Variants in F11R observed in about 807,000 individuals in gnomAD.
The protein encoded by F11R is F11 receptor, also known as junctional adhesion molecule A.
Under a neutral mutation model 39.3 loss-of-function variants are expected in F11R, and 27 were observed. The ratio of observed to expected loss-of-function variants is 0.69; its 90% CI spans 0.51 to 0.95. The LOEUF is 0.95. F11R is among the 40% of genes least tolerant of loss of function. The probability of loss-of-function intolerance (pLI) is 0.00; values close to 1 mark genes in which losing one functional copy is unlikely to be tolerated. For synonymous variants in F11R, 131 were observed against 144.9 expected, an observed-to-expected ratio of 0.90 and a Z score of 0.69; for missense variants, 335 against 372.7, an observed-to-expected ratio of 0.90 and a Z score of 0.83.
intron 1 of F11R, among the ~76,000 whole-genome samples, chr1:161,019,340 A>T (rs1010946970): frequency 6.6e-6 from 1 of 152,176 alleles, no homozygotes; most frequent in African/African-American, 2.4e-5. Flanking sequence ...TCACACCTGT[A>T]ATCCCAGCAC....
At position 161,016,401 on chromosome 1, in the gene F11R, G is replaced by A. The variant is rs561804133; in HGVS notation, c.64+4609C>T. On this transcript the variant is annotated intron_variant, in intron 1 of 9. Coordinates refer to ENST00000368026, the MANE Select transcript of F11R (RefSeq NM_016946.6). The stretch of plus-strand genomic sequence containing the variant: ...TGAGGCAGGAGAATGGCATGAACCC[G>A]GGAGGTGGAGTTTGCAGTGAGCCGA... 9.2e-4 allele frequency among the ~76,000 whole-genome samples: 140 copies of A among 152,156 alleles called. 1 individual carries two copies. The highest frequency in any genetic ancestry group is 4.0e-3 in the Admixed American group (61 of 15,248).
At chr1:161,014,158 A>C (rs1649323291) in intron 1 of F11R, among the ~76,000 whole-genome samples, 2 of 152,262 alleles carry the variant, frequency 1.3e-5, no homozygotes, top group Admixed American at 1.3e-4. Flanking sequence ...AAGGTCATCC[A>C]GGTCTTTCCT....
At chr1:161,004,934 G>A (rs1648715608) in intron 1 of F11R, among the ~76,000 whole-genome samples, 1 of 151,870 alleles carries the variant, frequency 6.6e-6, no homozygotes, top group Non-Finnish European at 1.5e-5. Context: ...GCCGAGGTGG[G>A]GAGACTGCTT....
intron 1 of F11R, among the ~76,000 whole-genome samples, chr1:161,012,506 C>G (rs2483149): frequency 0.99 from 150,917 of 152,026 alleles, 74,914 homozygotes; most frequent in East Asian, 1. Context: ...AAGAATATAA[C>G]AAATTTTAAA....
At chr1:161,013,143 A>C (rs1246281648) in intron 1 of F11R, among the ~76,000 whole-genome samples, 1 of 151,778 alleles carries the variant, frequency 6.6e-6, no homozygotes, top group Non-Finnish European at 1.5e-5. Flanking sequence ...GAAAAAAAAA[A>C]AAAAGAAGAA....
At chr1:161,015,617 G>A (rs940229036) in intron 1 of F11R, among the ~76,000 whole-genome samples, 1 of 147,162 alleles carries the variant, frequency 6.8e-6, no homozygotes, top group Admixed American at 6.8e-5. Context: ...GCTGCAGTGA[G>A]CTATGATCAT....
At chr1:161,008,055 G>A (rs142031654) in intron 1 of F11R, among the ~76,000 whole-genome samples, 1 of 152,252 alleles carries the variant, frequency 6.6e-6, no homozygotes, top group Non-Finnish European at 1.5e-5. Context: ...ATGTCCTACT[G>A]ATGTACGTGG....
At chr1:161,008,225 G>A (rs1648935037) in intron 1 of F11R, among the ~76,000 whole-genome samples, 1 of 152,150 alleles carries the variant, frequency 6.6e-6, no homozygotes, top group Non-Finnish European at 1.5e-5. Context: ...GCCAGGCACG[G>A]TGACTCACGC....
chr1:161,013,507 G>A (rs1649283580), intron 1 of F11R, among the ~76,000 whole-genome samples: 1 of 152,194 alleles, frequency 6.6e-6, no homozygotes, highest in Admixed American at 6.5e-5. Context: ...ACCCTGTAGA[G>A]ATTGAAGTAA....
intron 3 of F11R, 39 bp from the exon 4 acceptor site, chr1:161,000,816 T>TGGAGAGCTAAGGGAGGCTGATGAAGG: frequency 5.6e-6 from 9 of 1,613,224 alleles, no homozygotes; most frequent in Non-Finnish European, 7.6e-6. Context: ...CAGAGTGAAC[T>TGGAGAGCTAAGGGAGGCTGATGAAGG]GGAGAGCTAA....
intron 1 of F11R, among the ~76,000 whole-genome samples, chr1:161,005,290 C>T (rs1475186826): frequency 6.6e-6 from 1 of 151,664 alleles, no homozygotes; most frequent in African/African-American, 2.4e-5. Flanking sequence ...CTCCTTCCTC[C>T]TTCCCCTCCC....
At chr1:161,010,456 AAC>A (rs1553210817) in intron 1 of F11R, among the ~76,000 whole-genome samples, 1 of 151,218 alleles carries the variant, frequency 6.6e-6, no homozygotes, top group African/African-American at 2.4e-5. Flanking sequence ...AAAAAAAAAA[AAC>A]AGTTGATCCA....
At chr1:161,015,397 C>CAAAAA (rs72369371) in intron 1 of F11R, among the ~76,000 whole-genome samples, 31 of 113,616 alleles carry the variant, frequency 2.7e-4, no homozygotes, top group South Asian at 2.0e-3. Context: ...GACTCCATCT[C>CAAAAA]AAAAAAAAAA....
intron 8 of F11R, 31 bp from the exon 9 acceptor site, chr1:160,999,122 A>G: frequency 6.2e-7 from 1 of 1,614,048 alleles, no homozygotes; most frequent in South Asian, 1.1e-5. Flanking sequence ...AGAGACACTC[A>G]GCCACCTAGG....
In F11R at chr1:160,995,409, C is replaced by G. The variant is rs908255674; in HGVS notation, c.*3462G>C. ...GAAAAACAGTGTTGGTCAAAGGGTA[C>G]ACGCTTTCAGTTACAAGATGAACAA... On this transcript the variant is annotated 3_prime_UTR_variant, in exon 10 of 10. Transcript: ENST00000368026. 3 of 152,152 alleles carry G rather than the reference C, an allele frequency of 2.0e-5. No individual in the cohort carries two copies. The highest frequency in any genetic ancestry group is 7.2e-5 in the African/African-American group (3 of 41,396). 9.4% of individuals were successfully genotyped at this position (152,152 alleles called of 1,614,324 possible). A position where few individuals can be genotyped will look rare whatever the true frequency, so the allele number is the denominator to read the frequency against.
intron 1 of F11R, among the ~76,000 whole-genome samples, chr1:161,020,715 C>G (rs1649711478): frequency 6.6e-6 from 1 of 152,176 alleles, no homozygotes; most frequent in Non-Finnish European, 1.5e-5. Context: ...GGCCCGACGG[C>G]CCTCTCCAGT....
At chr1:161,005,325 C>T (rs1648741264) in intron 1 of F11R, among the ~76,000 whole-genome samples, 1 of 151,576 alleles carries the variant, frequency 6.6e-6, no homozygotes, top group Admixed American at 6.6e-5. Context: ...TATCTCCTCC[C>T]TCCTTTCTCA....
At chr1:160,999,222 G>GT in intron 8 of F11R, 131 bp from the exon 9 acceptor site, 1 of 1,437,550 alleles carries the variant, frequency 7.0e-7, no homozygotes, top group Non-Finnish European at 9.8e-7. Flanking sequence ...TATGGGTGGG[G>GT]TAACAGGACA....
Position 161,001,141 on chromosome 1 carries a change from C to A in F11R, c.134-14G>T. On this transcript the variant is annotated splice_polypyrimidine_tract_variant and intron_variant, in intron 2 of 9. Transcript: ENST00000368026. ...ACAACTTCACAGCTGCAGACAGGGT[C>A]AAAATGAGCCGAAGGAAGAAGCAGC... The A allele has an allele frequency of 6.2e-7, 1 of 1,612,320 alleles. No individual in the cohort carries two copies. Among genetic ancestry groups the A allele is most frequent in the South Asian group, 1.1e-5 (1 of 91,000 alleles).
Sources: gnomAD v4.1 joint callset for allele counts (sites outside exome capture counted in the v4.1 genomes callset) on GRCh38, gnomAD v4.1.1 for gene constraint, MANE v1.5 for transcripts, NCBI Gene and HGNC (gene_info 2026-07-23, HGNC 2026-07-21) for gene names.